CSMD1: variants seen among roughly 807,000 people sequenced by gnomAD.
CSMD1 encodes the protein CUB and Sushi multiple domains 1.
Under a neutral mutation model 417.5 loss-of-function variants are expected in CSMD1, and 213 were observed. The observed-to-expected ratio is 0.51, with a 90% CI of 0.46 to 0.57. The LOEUF (loss-of-function observed/expected upper bound fraction) is 0.57, where lower values mean the gene tolerates loss of function less well. Among genes scored for constraint, CSMD1 ranks in the 20% least tolerant of loss-of-function variants. CSMD1 has a pLI of 0.00. For synonymous variants in CSMD1, 2,862 were observed against 1,736.8 expected (o/e 1.65, Z -16.11); for missense variants, 6,923 against 4,529.7 (o/e 1.53, Z -15.17).
At chr8:3,550,391 T>C (rs1011290365) in intron 10 of CSMD1, among the ~76,000 whole-genome samples, 14 of 152,152 alleles carry the variant, frequency 9.2e-5, no homozygotes, top group Admixed American at 6.5e-5. Flanking sequence ...TCCTTCCCCA[T>C]CTTCACAACC....
At chr8:3,302,393 G>A (rs1270381328) in intron 25 of CSMD1, among the ~76,000 whole-genome samples, 1 of 152,060 alleles carries the variant, frequency 6.6e-6, no homozygotes, top group African/African-American at 2.4e-5. Flanking sequence ...TTCCCTGGCT[G>A]CCTATCTAAG....
intron 26 of CSMD1, among the ~76,000 whole-genome samples, chr8:3,244,594 G>C (rs879448810): frequency 1.4e-4 from 22 of 152,192 alleles, no homozygotes; most frequent in Admixed American, 6.5e-4. Flanking sequence ...GGAAATCATA[G>C]ACACACGTTG....
chr8:3,944,178 T>C (rs1457747437), intron 5 of CSMD1, among the ~76,000 whole-genome samples: 1 of 152,148 alleles, frequency 6.6e-6, no homozygotes, highest in Non-Finnish European at 1.5e-5. Flanking sequence ...TGCAACACTT[T>C]TGTAAGTCTG....
Position 4,255,121 on chromosome 8 carries a change from G to C in CSMD1, c.415+164832C>G, listed in dbSNP as rs773412590. On this transcript the variant is annotated intron_variant, in intron 3 of 69. Transcript: ENST00000635120. The stretch of plus-strand genomic sequence containing the variant: ...TCGGTCTCTCTACTTCTTCCTTTGA[G>C]AGTATCAGTTTTTAGCATTAAAAGA... 1.2e-4 allele frequency among the ~76,000 whole-genome samples: 19 copies of C among 152,188 alleles called. No individual in the cohort carries two copies. In the East Asian group the frequency reaches 3.3e-3, roughly 26 times the overall value.
In CSMD1 at chr8:4,578,610, T is replaced by G. The variant is rs372505928; in HGVS notation, c.302+58732A>C. Among the ~76,000 whole-genome samples, 61 of 148,404 alleles carry G rather than the reference T, an allele frequency of 4.1e-4. 2 individuals are homozygous for G. In the South Asian group the frequency reaches 0.012, roughly 29 times the overall value. ...GGTGGGCGGTTCACGAGGTCAGGAGTTCAAGATCAGCCTGGCCAACATGGT... is the reference window on the plus strand; with the variant it reads ...GGTGGGCGGTTCACGAGGTCAGGAGGTCAAGATCAGCCTGGCCAACATGGT... On this transcript the variant is annotated intron_variant, in intron 2 of 69. Coordinates refer to ENST00000635120, the MANE Select transcript of CSMD1 (RefSeq NM_033225.6).
chr8:4,756,965 A>C (rs1811705472), intron 1 of CSMD1, among the ~76,000 whole-genome samples: 1 of 152,250 alleles, frequency 6.6e-6, no homozygotes, highest in Non-Finnish European at 1.5e-5. Flanking sequence ...CAAACACATA[A>C]GCTGGTGAGG....
intron 1 of CSMD1, among the ~76,000 whole-genome samples, chr8:4,911,599 T>G (rs1350157978): frequency 1.3e-5 from 2 of 152,224 alleles, no homozygotes; most frequent in Admixed American, 6.5e-5. Context: ...AGAGCTCTCC[T>G]GACAGAAGCG....
rs76314822 is a variant in CSMD1, at chr8:4,697,950, C to T, written c.86-60392G>A. Among the ~76,000 whole-genome samples, 23 of 152,246 alleles carry T rather than the reference C, an allele frequency of 1.5e-4. No individual in the cohort carries two copies. The East Asian group carries it at 2.5e-3, about 17-fold the overall frequency. On this transcript the variant is annotated intron_variant, in intron 1 of 69. Transcript: ENST00000635120. ...GTTTAAAACATTGGTCCTGTCAAGA[C>T]AAATAGTGATGCTTAAATGTAAGTA...
At chr8:4,816,391 G>A (rs1799210635) in intron 1 of CSMD1, among the ~76,000 whole-genome samples, 1 of 151,914 alleles carries the variant, frequency 6.6e-6, no homozygotes, top group Admixed American at 6.6e-5. Context: ...TGGGGGGCTG[G>A]GGGCACTGTG....
chr8:3,943,236 A>C (rs575025573), intron 5 of CSMD1, among the ~76,000 whole-genome samples: 1 of 152,176 alleles, frequency 6.6e-6, no homozygotes, highest in South Asian at 2.1e-4. Flanking sequence ...CCTTTGTACA[A>C]TCAACATTTT....
chr8:4,345,876 C>G (rs925211460), intron 3 of CSMD1, among the ~76,000 whole-genome samples: 4 of 152,108 alleles, frequency 2.6e-5, no homozygotes, highest in Middle Eastern at 3.2e-3. Context: ...CACTGACAGG[C>G]AGACAGGTGA....
At chr8:3,919,232 C>G (rs1171555266) in intron 5 of CSMD1, among the ~76,000 whole-genome samples, 2 of 142,036 alleles carry the variant, frequency 1.4e-5, no homozygotes, top group Non-Finnish European at 3.1e-5. Context: ...TTGTCAAGAT[C>G]TATGCCAAGG....
chr8:3,176,170 A>C (rs1346408467), intron 37 of CSMD1, among the ~76,000 whole-genome samples: 1 of 152,202 alleles, frequency 6.6e-6, no homozygotes, highest in East Asian at 1.9e-4. Context: ...GAAAGTGAAA[A>C]ATATGATTAT....
intron 7 of CSMD1, among the ~76,000 whole-genome samples, chr8:3,620,354 T>C (rs116825926): frequency 0.022 from 3,353 of 152,220 alleles, 103 homozygotes; most frequent in African/African-American, 0.076. Flanking sequence ...GGGTCCCTAG[T>C]ACAGGTAAAT....
chr8:4,508,105 C>A (rs1183648695), intron 2 of CSMD1, among the ~76,000 whole-genome samples: 3 of 129,074 alleles, frequency 2.3e-5, no homozygotes, highest in South Asian at 2.5e-4. Context: ...AAAAAAAAAC[C>A]CCAAAAAACA....
intron 39 of CSMD1, among the ~76,000 whole-genome samples, chr8:3,153,197 C>A (rs1482727232): frequency 6.6e-6 from 1 of 152,150 alleles, no homozygotes; most frequent in Non-Finnish European, 1.5e-5. Flanking sequence ...CTGCTACACT[C>A]CCACCAGCAC....
At chr8:3,059,647 CAGG>C (rs1200705679) in intron 49 of CSMD1, among the ~76,000 whole-genome samples, 1 of 152,040 alleles carries the variant, frequency 6.6e-6, no homozygotes, top group Non-Finnish European at 1.5e-5. Context: ...TGGTTGCCAT[CAGG>C]AGATGAACGG....
chr8:3,907,365 T>A (rs1441660206), intron 5 of CSMD1, among the ~76,000 whole-genome samples: 1 of 152,212 alleles, frequency 6.6e-6, no homozygotes, highest in Non-Finnish European at 1.5e-5. Flanking sequence ...ATAAGTTCAA[T>A]CTTTTTGGGA....
chr8:3,033,776 A>G (rs1445400900), intron 50 of CSMD1, among the ~76,000 whole-genome samples: 2 of 152,198 alleles, frequency 1.3e-5, no homozygotes, highest in African/African-American at 2.4e-5. Context: ...TAAAAATAAA[A>G]TAAACTTAAA....
Sources: gnomAD v4.1 joint callset for allele counts (sites outside exome capture counted in the v4.1 genomes callset) on GRCh38, gnomAD v4.1.1 for gene constraint, MANE v1.5 for transcripts, NCBI Gene and HGNC (gene_info 2026-07-23, HGNC 2026-07-21) for gene names.